CALN1: variants seen among roughly 807,000 people sequenced by gnomAD.
CALN1 encodes the protein calcium-binding protein 8.
A neutral mutation model predicts 30.6 loss-of-function variants in CALN1; 17 were observed. The observed-to-expected ratio is 0.56, with a 90% CI of 0.38 to 0.83. The LOEUF is 0.83. Among genes scored for constraint, CALN1 ranks in the 40% least tolerant of loss-of-function variants. The pLI is 0.00. For synonymous variants in CALN1, 156 were observed against 131.4 expected, an observed-to-expected ratio of 1.19 and a Z score of -1.28; for missense variants, 291 against 354.9, an observed-to-expected ratio of 0.82 and a Z score of 1.45.
At chr7:72,494,869 AAATAAT>A in the CALN1 span, among the ~76,000 whole-genome samples, 75 of 150,950 alleles carry the variant, frequency 5.0e-4, 2 homozygotes, top group South Asian at 8.0e-3. Context: ...CCTGTCTCAA[AAATAAT>A]AATAATAATA....
intron 4 of CALN1, among the ~76,000 whole-genome samples, chr7:72,036,134 G>T (rs1476973801): frequency 1.3e-5 from 2 of 152,116 alleles, no homozygotes; most frequent in Non-Finnish European, 2.9e-5. Context: ...TGATTGACAG[G>T]TATTTTTTTC....
chr7:72,301,740 C>T (rs1472872151), intron 2 of CALN1, among the ~76,000 whole-genome samples: 2 of 151,900 alleles, frequency 1.3e-5, no homozygotes, highest in Non-Finnish European at 2.9e-5. Context: ...CAGTCTTGAA[C>T]CCTACAATGA....
intron 3 of CALN1, among the ~76,000 whole-genome samples, chr7:72,195,662 G>C (rs1418228771): frequency 1.3e-5 from 2 of 152,138 alleles, no homozygotes; most frequent in Admixed American, 6.5e-5. Flanking sequence ...TTACAGGCAT[G>C]AGCCACTGTG....
intron 5 of CALN1, among the ~76,000 whole-genome samples, chr7:71,835,907 C>G (rs1187691349): frequency 1.3e-5 from 2 of 152,162 alleles, no homozygotes; most frequent in Non-Finnish European, 2.9e-5. Flanking sequence ...TGGAATATTG[C>G]AAAGCAAATA....
intron 5 of CALN1, among the ~76,000 whole-genome samples, chr7:71,905,848 AAG>A (rs1383099881): frequency 6.6e-6 from 1 of 152,152 alleles, no homozygotes; most frequent in Non-Finnish European, 1.5e-5. Context: ...TTATAAAGGA[AAG>A]AGGTTTAATT....
chr7:72,343,475 G>A (rs1802476316), intron 2 of CALN1, among the ~76,000 whole-genome samples: 1 of 151,794 alleles, frequency 6.6e-6, no homozygotes, highest in Non-Finnish European at 1.5e-5. Context: ...CTGAACCCAG[G>A]AGGCAGAGGT....
chr7:72,428,154 G>T (rs774803474), intron 1 of CALN1, among the ~76,000 whole-genome samples: 3 of 152,188 alleles, frequency 2.0e-5, no homozygotes, highest in African/African-American at 4.8e-5. Flanking sequence ...TGTGAGGAAT[G>T]ATCATATATC....
intron 5 of CALN1, among the ~76,000 whole-genome samples, chr7:72,023,021 A>G (rs1173018907): frequency 2.0e-5 from 3 of 152,036 alleles, no homozygotes; most frequent in Non-Finnish European, 4.4e-5. Context: ...TTGACAGACA[A>G]CTTACGTGAT....
At chr7:72,057,029 T>C (rs779996254) in intron 4 of CALN1, among the ~76,000 whole-genome samples, 11 of 152,052 alleles carry the variant, frequency 7.2e-5, no homozygotes, top group Non-Finnish European at 1.3e-4. Context: ...CAGCCTCCAA[T>C]TTCTGGCCTC....
chr7:72,039,241 A>C (rs1563000340), intron 4 of CALN1, among the ~76,000 whole-genome samples: 2 of 152,382 alleles, frequency 1.3e-5, no homozygotes, highest in South Asian at 2.1e-4. Flanking sequence ...GAGCAAAGGA[A>C]GGAAAGGACC....
Position 72,134,860 on chromosome 7 carries a change from G to A in CALN1, c.245-28566C>T, listed in dbSNP as rs577432165. Among the ~76,000 whole-genome samples the A allele has an allele frequency of 2.0e-5, 3 of 152,270 alleles. No homozygotes were observed. In the East Asian group the frequency reaches 5.8e-4, roughly 29 times the overall value. On this transcript the variant is annotated intron_variant, in intron 3 of 6. Transcript: ENST00000395275. ...TTTACCCACAGTAGAACTTATTTCA[G>A]AATTGGAGTCAATCCTTTTAAGCCT... is the stretch of plus-strand genomic sequence containing the variant.
At chr7:71,822,712 T>G (rs1287563805) in intron 5 of CALN1, among the ~76,000 whole-genome samples, 2 of 152,248 alleles carry the variant, frequency 1.3e-5, no homozygotes, top group African/African-American at 2.4e-5. Context: ...CTGTCATTTT[T>G]TCTTGTATGT....
At chr7:72,083,834 G>T (rs150496911) in intron 4 of CALN1, among the ~76,000 whole-genome samples, 1 of 151,718 alleles carries the variant, frequency 6.6e-6, no homozygotes, top group Admixed American at 6.6e-5. Flanking sequence ...CAGGAGAATC[G>T]CTTGAACCAT....
intron 3 of CALN1, among the ~76,000 whole-genome samples, chr7:72,217,834 T>A (rs1415790857): frequency 3.0e-4 from 4 of 13,158 alleles, no homozygotes; most frequent in African/African-American, 1.6e-3. Flanking sequence ...TTAAATAAAT[T>A]TTTTTTTTTT....
At chr7:72,082,707 A>G (rs975064951) in intron 4 of CALN1, among the ~76,000 whole-genome samples, 6 of 152,162 alleles carry the variant, frequency 3.9e-5, no homozygotes, top group Non-Finnish European at 8.8e-5. Flanking sequence ...GAAATCTTTG[A>G]AGTTGCTGTG....
At chr7:72,323,057 G>GA (rs1175341621) in intron 2 of CALN1, among the ~76,000 whole-genome samples, 4,985 of 121,916 alleles carry the variant, frequency 0.041, 148 homozygotes, top group East Asian at 0.092. Flanking sequence ...AAACCACACA[G>GA]AAAAAAAAAA....
In CALN1 at chr7:71,947,733, G is replaced by A. The variant is rs187752224; in HGVS notation, c.501+75924C>T. Among the ~76,000 whole-genome samples, 235 of 152,170 alleles carry A rather than the reference G, an allele frequency of 1.5e-3. 1 individual carries two copies. Among genetic ancestry groups the A allele is most frequent in the South Asian group, 4.2e-3 (20 of 4,810 alleles). On this transcript the variant is annotated intron_variant, in intron 5 of 6. Coordinates refer to ENST00000395275, the MANE Select transcript of CALN1 (RefSeq NM_031468.4). ...AGGCAGGTGGATCACCTGAGGTCAGGAGTTCGAGACCAGCCTGGCCAACAT... is the reference window on the plus strand; with the variant it reads ...AGGCAGGTGGATCACCTGAGGTCAGAAGTTCGAGACCAGCCTGGCCAACAT...
intron 4 of CALN1, among the ~76,000 whole-genome samples, chr7:72,088,372 A>G (rs1005741187): frequency 6.6e-6 from 1 of 152,120 alleles, no homozygotes; most frequent in African/African-American, 2.4e-5. Flanking sequence ...AAACCCTAAC[A>G]ATAATGAAGG....
chr7:72,460,874 C>T, the CALN1 span, among the ~76,000 whole-genome samples: 20 of 152,182 alleles, frequency 1.3e-4, no homozygotes, highest in East Asian at 1.4e-3. Flanking sequence ...CTTCCCCCCA[C>T]GGCAGGACAG....
Sources: gnomAD v4.1 joint callset for allele counts (sites outside exome capture counted in the v4.1 genomes callset) on GRCh38, gnomAD v4.1.1 for gene constraint, MANE v1.5 for transcripts, NCBI Gene and HGNC (gene_info 2026-07-23, HGNC 2026-07-21) for gene names.